Variants in CREB5 observed in about 807,000 individuals in gnomAD.
The protein encoded by CREB5 is cyclic AMP-responsive element-binding protein 5.
CREB5 carries 19 observed loss-of-function variants against 57.1 expected under a neutral mutation model. The observed-to-expected ratio is 0.33, with a 90% CI of 0.23 to 0.49. CREB5 has a LOEUF of 0.49. Ranked by LOEUF, CREB5 falls within the 20% of genes least tolerant of loss-of-function variation. The pLI, the probability that CREB5 is intolerant of heterozygous loss-of-function variation, is 0.99. For synonymous variants in CREB5, 238 were observed against 238.3 expected, an observed-to-expected ratio of 1.00 and a Z score of 0.01; for missense variants, 579 against 671.6, an observed-to-expected ratio of 0.86 and a Z score of 1.52.
intron 4 of CREB5, among the ~76,000 whole-genome samples, chr7:28,518,786 C>T (rs1793081638): frequency 6.6e-6 from 1 of 152,220 alleles, no homozygotes; most frequent in Non-Finnish European, 1.5e-5. Flanking sequence ...GTGCGATCCA[C>T]ACTCCCCCCA....
At chr7:28,547,421 A>G (rs1215262520) in intron 4 of CREB5, among the ~76,000 whole-genome samples, 1 of 152,220 alleles carries the variant, frequency 6.6e-6, no homozygotes, top group East Asian at 1.9e-4. Context: ...AAAAAGAGAA[A>G]GTCAGTAGGC....
chr7:28,565,127 A>G (rs1379882913), intron 4 of CREB5, among the ~76,000 whole-genome samples: 1 of 152,204 alleles, frequency 6.6e-6, no homozygotes, highest in Admixed American at 6.5e-5. Flanking sequence ...ACTATTACAC[A>G]TTACTAATCA....
intron 5 of CREB5, among the ~76,000 whole-genome samples, chr7:28,689,416 C>A (rs1038775567): frequency 1.3e-5 from 2 of 151,962 alleles, no homozygotes; most frequent in Non-Finnish European, 2.9e-5. Flanking sequence ...TGCAGTAAGC[C>A]GAGATCGAGC....
chr7:28,720,824 A>G (rs1268493007), intron 6 of CREB5, among the ~76,000 whole-genome samples: 1 of 152,136 alleles, frequency 6.6e-6, no homozygotes, highest in Non-Finnish European at 1.5e-5. Flanking sequence ...TTCCCATCCA[A>G]AAATTATTAT....
At chr7:28,669,319 T>C (rs191213918) in intron 5 of CREB5, among the ~76,000 whole-genome samples, 33 of 152,366 alleles carry the variant, frequency 2.2e-4, no homozygotes, top group African/African-American at 7.5e-4. Context: ...TTTACTTTGA[T>C]TTGTTAGCAA....
At chr7:28,749,026 C>G (rs1430290189) in intron 7 of CREB5, among the ~76,000 whole-genome samples, 1 of 152,146 alleles carries the variant, frequency 6.6e-6, no homozygotes, top group Admixed American at 6.5e-5. Flanking sequence ...AAAGTTCAGG[C>G]TCCTACTAAA....
intron 4 of CREB5, among the ~76,000 whole-genome samples, chr7:28,534,632 C>T (rs537442451): frequency 2.0e-5 from 3 of 152,138 alleles, no homozygotes; most frequent in Non-Finnish European, 4.4e-5. Context: ...ATATTTCCTT[C>T]TCTTCATCTC....
chr7:28,579,109 T>G (rs1485820493), intron 5 of CREB5, among the ~76,000 whole-genome samples: 1 of 152,206 alleles, frequency 6.6e-6, no homozygotes, highest in East Asian at 1.9e-4. Context: ...TTTACCTTGC[T>G]GGGGGCCTGA....
At chr7:28,461,352 G>A (rs177587) in intron 1 of CREB5, among the ~76,000 whole-genome samples, 2,969 of 152,304 alleles carry the variant, frequency 0.019, 41 homozygotes, top group Non-Finnish European at 0.031. Context: ...TTTATGGAGT[G>A]CCTATTATAT....
Position 28,691,987 on chromosome 7 carries a change from G to A in CREB5, c.465-26766G>A, listed in dbSNP as rs573634913. Among the ~76,000 whole-genome samples, 436 of 148,036 alleles carry A rather than the reference G, an allele frequency of 2.9e-3. 1 individual carries two copies. Among genetic ancestry groups the A allele is most frequent in the African/African-American group, 0.01 (412 of 39,528 alleles). On this transcript the variant is annotated intron_variant, in intron 5 of 10. Transcript: ENST00000357727. The stretch of plus-strand genomic sequence containing the variant: ...AGTTTGAAACTAGCCTAGGCAACAC[G>A]GTGAAACCCCCTCTCTACTAAAATA...
chr7:28,693,385 CTTGAA>C (rs1479406114), intron 5 of CREB5, among the ~76,000 whole-genome samples: 1 of 152,222 alleles, frequency 6.6e-6, no homozygotes, highest in Non-Finnish European at 1.5e-5. Context: ...AATCAAAGAT[CTTGAA>C]TTGAAGTCAC....
intron 4 of CREB5, among the ~76,000 whole-genome samples, chr7:28,545,159 T>C (rs955881071): frequency 6.6e-6 from 1 of 152,194 alleles, no homozygotes; most frequent in Non-Finnish European, 1.5e-5. Flanking sequence ...TTTGAAAAAT[T>C]TCTTCCTTAA....
intron 1 of CREB5, among the ~76,000 whole-genome samples, chr7:28,380,628 C>T (rs910203848): frequency 1.3e-5 from 2 of 152,142 alleles, no homozygotes; most frequent in African/African-American, 2.4e-5. Context: ...GGAGGCAGTT[C>T]GGAGAAACTC....
At chr7:28,521,414 C>T (rs1392366274) in intron 4 of CREB5, among the ~76,000 whole-genome samples, 1 of 152,156 alleles carries the variant, frequency 6.6e-6, no homozygotes, top group African/African-American at 2.4e-5. Flanking sequence ...GCCCCAAGAA[C>T]AGGTCCCAAG....
chr7:28,417,604 G>T (rs1444981014), intron 1 of CREB5, among the ~76,000 whole-genome samples: 3 of 152,146 alleles, frequency 2.0e-5, no homozygotes, highest in Admixed American at 6.5e-5. Flanking sequence ...TGGGGTGAAG[G>T]CCTGAGCCTC....
intron 4 of CREB5, among the ~76,000 whole-genome samples, chr7:28,560,744 C>A (rs572019038): frequency 8.2e-4 from 124 of 151,886 alleles, no homozygotes; most frequent in African/African-American, 2.9e-3. Context: ...GCCCTTTGCC[C>A]TTCAGAACAT....
chr7:28,308,084 G>A (rs1459100618), intron 1 of CREB5, among the ~76,000 whole-genome samples: 1 of 152,184 alleles, frequency 6.6e-6, no homozygotes, highest in Non-Finnish European at 1.5e-5. Flanking sequence ...GAGGTAAGAA[G>A]TGAGTCAATG....
intron 4 of CREB5, among the ~76,000 whole-genome samples, chr7:28,508,522 G>A (rs1296313072): frequency 6.6e-6 from 1 of 152,204 alleles, no homozygotes; most frequent in Non-Finnish European, 1.5e-5. Context: ...AGGTAGTAAT[G>A]AATTCTGAAG....
At chr7:28,427,014 T>A (rs12532632) in intron 1 of CREB5, among the ~76,000 whole-genome samples, 17 of 152,312 alleles carry the variant, frequency 1.1e-4, no homozygotes, top group Admixed American at 1.1e-3. Flanking sequence ...TAGGAAGATT[T>A]TTTAGGTATA....
Sources: allele counts gnomAD v4.1 joint callset (sites outside exome capture counted in the v4.1 genomes callset), GRCh38; gene constraint gnomAD v4.1.1; transcripts MANE v1.5; gene names NCBI Gene and HGNC (gene_info 2026-07-23, HGNC 2026-07-21).